SFMBT1: variants seen among roughly 807,000 people sequenced by gnomAD.
SFMBT1 encodes the protein Scm like with four mbt domains 1, also known as scm-like with four MBT domains protein 1.
A neutral mutation model predicts 108.7 loss-of-function variants in SFMBT1; 32 were observed. The observed-to-expected ratio is 0.29, with a 90% CI of 0.22 to 0.40. The LOEUF (loss-of-function observed/expected upper bound fraction) is 0.40, where lower values mean the gene tolerates loss of function less well. Ranked by LOEUF, SFMBT1 falls within the 10% of genes least tolerant of loss-of-function variation. The pLI, the probability that SFMBT1 is intolerant of heterozygous loss-of-function variation, is 1.00. For synonymous variants in SFMBT1, 348 were observed against 369.5 expected (o/e 0.94, Z 0.67); for missense variants, 816 against 1,059.6 (o/e 0.77, Z 3.19).
In SFMBT1 at chr3:52,926,158, T is replaced by A. The variant is rs759663301; in HGVS notation, c.1049-45A>T. On this transcript the variant is annotated intron_variant, in intron 9 of 20. Coordinates refer to ENST00000394752, the MANE Select transcript of SFMBT1 (RefSeq NM_016329.4). ...CAATGAGTCACACTACCACACCACA[T>A]ACGCCTGCCTGGCTTCACCCCTCAC... 84 of 1,552,220 alleles carry A rather than the reference T, an allele frequency of 5.4e-5. 1 individual carries two copies. The South Asian group carries it at 9.8e-4, about 18-fold the overall frequency.
chr3:52,918,543 AT>A lies in SFMBT1; in HGVS notation c.1373-18del. 1.3e-6 allele frequency: 2 copies of A among 1,487,178 alleles called. No homozygotes were observed. Among genetic ancestry groups the A allele is most frequent in the Non-Finnish European group, 1.8e-6 (2 of 1,101,480 alleles). 92.1% of individuals were successfully genotyped at this position (1,487,178 alleles called of 1,614,324 possible). ...GTTTATATACTGTAGAAAGAAAAAAATATATAAATGCCAAGAAAAATAAAAA... is the reference window on the plus strand; with the variant it reads ...GTTTATATACTGTAGAAAGAAAAAAAATATAAATGCCAAGAAAAATAAAAA... On this transcript the variant is annotated intron_variant, in intron 12 of 20. Coordinates refer to ENST00000394752, the MANE Select transcript of SFMBT1 (RefSeq NM_016329.4).
chr3:52,992,718 A>G (rs778811350), intron 1 of SFMBT1, among the ~76,000 whole-genome samples: 3 of 152,238 alleles, frequency 2.0e-5, no homozygotes, highest in Non-Finnish European at 4.4e-5. Context: ...TAGGTGGGTT[A>G]GCACACTCCA....
At chr3:52,963,288 C>T (rs1013635644) in intron 2 of SFMBT1, among the ~76,000 whole-genome samples, 2 of 151,912 alleles carry the variant, frequency 1.3e-5, no homozygotes, top group African/African-American at 2.4e-5. Context: ...ACCCACCGCC[C>T]GGCCAATTTT....
chr3:52,934,789 G>C (rs1383928908), intron 5 of SFMBT1, 24 bp downstream of exon 5: 1 of 1,581,328 alleles, frequency 6.3e-7, no homozygotes, highest in East Asian at 2.2e-5. Context: ...TTTCCATGCT[G>C]ATGTGGCATG....
intron 1 of SFMBT1, among the ~76,000 whole-genome samples, chr3:53,023,752 C>T (rs979373202): frequency 3.3e-5 from 5 of 152,174 alleles, no homozygotes; most frequent in Non-Finnish European, 7.3e-5. Context: ...TTTGTAGGCA[C>T]CTTCTCCCTT....
intron 1 of SFMBT1, among the ~76,000 whole-genome samples, chr3:53,032,357 G>A (rs990098048): frequency 6.6e-6 from 1 of 152,148 alleles, no homozygotes; most frequent in African/African-American, 2.4e-5. Flanking sequence ...GTGACAGAGC[G>A]AGACCCTGTC....
At chr3:52,979,414 A>AT (rs1192630332) in intron 1 of SFMBT1, among the ~76,000 whole-genome samples, 2 of 152,236 alleles carry the variant, frequency 1.3e-5, no homozygotes, top group Non-Finnish European at 2.9e-5. Context: ...CCATGTGATT[A>AT]TTCATGAAGC....
Position 53,025,079 on chromosome 3 carries a change from A to G in SFMBT1, c.-131+20737T>C, listed in dbSNP as rs543841519. ...ATAAGTATTATAGAAACAGTACAGA[A>G]ATATGTAAGTACCTATTAATCCAGT... is the stretch of plus-strand genomic sequence containing the variant. On this transcript the variant is annotated intron_variant, in intron 1 of 20. Transcript: ENST00000394752. Among the ~76,000 whole-genome samples the G allele has an allele frequency of 3.9e-4, 59 of 152,312 alleles. 1 individual carries two copies. The highest frequency in any genetic ancestry group is 1.2e-3 in the African/African-American group (48 of 41,586).
chr3:52,952,389 C>G (rs1033224876), intron 3 of SFMBT1, among the ~76,000 whole-genome samples: 1 of 152,186 alleles, frequency 6.6e-6, no homozygotes, highest in Non-Finnish European at 1.5e-5. Context: ...GTATGCCCTA[C>G]TGAACATTGC....
intron 9 of SFMBT1, 42 bp from the exon 10 acceptor site, chr3:52,926,155 A>G (rs1255912116): frequency 1.3e-6 from 2 of 1,560,348 alleles, no homozygotes; most frequent in Non-Finnish European, 8.7e-7. Flanking sequence ...CTACCACACC[A>G]CATACGCCTG....
rs193188131 is a variant in SFMBT1 at position 52,969,021 on chromosome 3, T to C, written c.28+80A>G. The C allele has an allele frequency of 0.01, 15,745 of 1,539,502 alleles. 1,425 individuals carry two copies. In the South Asian group the frequency reaches 0.16, roughly 16 times the overall value. On this transcript the variant is annotated intron_variant, in intron 2 of 20. Transcript: ENST00000394752. ...CTTCAAAGAGCTTCCAGTTCAGTGG[T>C]AGAGAAACAGACAATATAACACAGG...
intron 6 of SFMBT1, 76 bp from the exon 7 acceptor site, chr3:52,931,111 A>G (rs1270463856): frequency 1.5e-6 from 2 of 1,335,892 alleles, no homozygotes; most frequent in Non-Finnish European, 1.1e-6. Flanking sequence ...GCATTCACAT[A>G]AACAAAAACA....
chr3:52,906,190 T>C lies in SFMBT1; in HGVS notation c.2383A>G (p.Lys795Glu). Residue 795 changes from lysine (K) to glutamate (E), a missense_variant, in exon 20 of 21, where the codon AAG becomes GAG. Lys to Glu is a moderately conservative substitution (Grantham distance 56). Transcript: ENST00000394752. ...ERLHLDSNPL[K>E]WSVADVVRFI... ...CGCACAACGTCTGCCACACTCCACTTCAAGGGGTTACTGTCCAGGTGAAGC... is the reference window on the plus strand; with the variant it reads ...CGCACAACGTCTGCCACACTCCACTCCAAGGGGTTACTGTCCAGGTGAAGC... The C allele has an allele frequency of 6.2e-7, 1 of 1,614,182 alleles. No individual in the cohort carries two copies.
chr3:53,024,502 A>T (rs566229873), intron 1 of SFMBT1, among the ~76,000 whole-genome samples: 3 of 150,446 alleles, frequency 2.0e-5, no homozygotes, highest in African/African-American at 7.5e-5. Flanking sequence ...TAAAGGCTTT[A>T]GCCACTGCAG....
At chr3:52,966,759 A>G (rs1196702410) in intron 2 of SFMBT1, among the ~76,000 whole-genome samples, 1 of 151,746 alleles carries the variant, frequency 6.6e-6, no homozygotes, top group Admixed American at 6.6e-5. Flanking sequence ...AAATATAATA[A>G]ATTTTCCTTC....
chr3:52,928,653 T>TACACACAC (rs56180614), intron 8 of SFMBT1, among the ~76,000 whole-genome samples: 3 of 18,036 alleles, frequency 1.7e-4, no homozygotes, highest in Non-Finnish European at 2.4e-4. Context: ...TATATATATA[T>TACACACAC]ACACATATAT....
intron 1 of SFMBT1, among the ~76,000 whole-genome samples, chr3:52,994,786 C>A (rs2106901778): frequency 1.3e-5 from 2 of 150,222 alleles, no homozygotes; most frequent in African/African-American, 2.4e-5. Flanking sequence ...AGGCATGAGC[C>A]ACTACGCCCC....
intron 4 of SFMBT1, among the ~76,000 whole-genome samples, chr3:52,937,174 A>G (rs1207095345): frequency 1.3e-5 from 2 of 152,042 alleles, no homozygotes; most frequent in Non-Finnish European, 2.9e-5. Flanking sequence ...TTTGCCTACC[A>G]TATACAAACA....
intron 4 of SFMBT1, among the ~76,000 whole-genome samples, chr3:52,939,289 G>C (rs13069006): frequency 0.076 from 11,529 of 152,142 alleles, 474 homozygotes; most frequent in Non-Finnish European, 0.094. Flanking sequence ...CTGAATTATG[G>C]TCCAGCATGG....
Sources: allele counts gnomAD v4.1 joint callset (sites outside exome capture counted in the v4.1 genomes callset), GRCh38; gene constraint gnomAD v4.1.1; transcripts MANE v1.5; gene names NCBI Gene and HGNC (gene_info 2026-07-23, HGNC 2026-07-21).